FANCA: variants seen among roughly 807,000 people sequenced by gnomAD.
FANCA encodes FA complementation group A.
A neutral mutation model predicts 194.3 loss-of-function variants in FANCA; 236 were observed. That is an observed-to-expected ratio of 1.21 (90% CI 1.09 to 1.35). FANCA has a LOEUF of 1.35. FANCA is among the 40% of genes most tolerant of loss of function. The pLI, the probability that FANCA is intolerant of heterozygous loss-of-function variation, is 0.00. For missense variants in FANCA, 2,628 were observed against 1,813.9 expected, an observed-to-expected ratio of 1.45 and a Z score of -8.15; for synonymous variants, 1,014 against 715.8, an observed-to-expected ratio of 1.42 and a Z score of -6.65.
chr16:89,742,338 G>A (rs954868820), intron 37 of FANCA, among the ~76,000 whole-genome samples: 1 of 152,054 alleles, frequency 6.6e-6, no homozygotes, highest in African/African-American at 2.4e-5. Flanking sequence ...CACACCTGTA[G>A]TCTGAGCTAC....
Position 89,744,977 on chromosome 16 carries a change from C to T in FANCA, c.3608G>A (p.Gly1203Asp). The T allele has an allele frequency of 6.2e-7, 1 of 1,611,890 alleles. No homozygotes were observed. Among genetic ancestry groups the T allele is most frequent in the Admixed American group, 1.7e-5 (1 of 60,014 alleles). ...LPRELQKLQEGRQFASDFLSP... is the reference protein window; with the variant it reads ...LPRELQKLQEDRQFASDFLSP... The stretch of plus-strand genomic sequence containing the variant: ...CACGTACTCGCTGGCAAACTGCCGG[C>T]CTTCTTGTAGCTTCTGCAGTTCCCG... The change falls in exon 36 of 43, where the codon GGC (glycine) becomes GAC (aspartate). Residue 1203 changes from glycine to aspartate, a missense_variant. Coordinates refer to ENST00000389301, the MANE Select transcript of FANCA (RefSeq NM_000135.4).
At position 89,769,997 on chromosome 16, in the gene FANCA, G is replaced by T; in HGVS notation, c.2344C>A (p.Leu782Met). The T allele has an allele frequency of 6.2e-7, 1 of 1,613,870 alleles. No homozygotes were observed. Among genetic ancestry groups the T allele is most frequent in the South Asian group, 1.1e-5 (1 of 91,078 alleles). The part of the protein sequence containing the change: ...QGPSLSAPHV[L>M]GLAALAVHLG... Reference sequence around the variant, plus strand: ...TGCACGGCCAGGGCAGCCAACCCCAGCACATGTGGGGCACTCAGGCTCGGG... The same window carrying T: ...TGCACGGCCAGGGCAGCCAACCCCATCACATGTGGGGCACTCAGGCTCGGG... Residue 782 changes from leucine to methionine, a missense_variant, in exon 26 of 43, where the codon CTG becomes ATG. Coordinates refer to ENST00000389301, the MANE Select transcript of FANCA (RefSeq NM_000135.4).
intron 20 of FANCA, among the ~76,000 whole-genome samples, 175 bp downstream of exon 20, chr16:89,778,626 C>CAAAAAAA (rs2039594330): frequency 6.6e-5 from 1 of 15,180 alleles, no homozygotes. Flanking sequence ...GAGACTCCAA[C>CAAAAAAA]TAAAAAAAAA....
intron 20 of FANCA, among the ~76,000 whole-genome samples, chr16:89,776,159 CTTTTTTTTTTTTTTTTTT>C (rs3069458): frequency 1.1e-5 from 1 of 93,276 alleles, no homozygotes; most frequent in East Asian, 3.5e-4. Flanking sequence ...CTTTGTTTTT[CTTTTTTTTTTTTTTTTTT>C]TTTTTTTTGA....
intron 37 of FANCA, among the ~76,000 whole-genome samples, chr16:89,741,289 C>T (rs1035604750): frequency 1.1e-4 from 17 of 152,228 alleles, no homozygotes; most frequent in Admixed American, 1.0e-3. Context: ...CCTCGCTGCA[C>T]ACTAGGGTCC....
intron 14 of FANCA, among the ~76,000 whole-genome samples, chr16:89,789,222 C>T (rs1349886198): frequency 6.6e-6 from 1 of 151,738 alleles, no homozygotes; most frequent in South Asian, 2.1e-4. Flanking sequence ...TGAGTTGACA[C>T]TGACACTGCA....
chr16:89,792,808 G>C, intron 11 of FANCA: 1 of 419,856 alleles, frequency 2.4e-6, no homozygotes, highest in Non-Finnish European at 4.5e-6. Context: ...AAAAGGGGCA[G>C]GGTAAAGAGT....
chr16:89,773,698 A>G (rs1006246770), intron 21 of FANCA, among the ~76,000 whole-genome samples: 1 of 151,992 alleles, frequency 6.6e-6, no homozygotes, highest in Non-Finnish European at 1.5e-5. Flanking sequence ...GGAAGAAAAC[A>G]AGGAGGATCG....
At chr16:89,767,020 G>A in intron 27 of FANCA, 121 bp downstream of exon 27, 2 of 823,426 alleles carry the variant, frequency 2.4e-6, no homozygotes, top group Non-Finnish European at 4.2e-6. Flanking sequence ...CAGCCAGCCT[G>A]ACCCAGGAGC....
chr16:89,816,510 C>T, intron 1 of FANCA, 27 bp downstream of exon 1: 3 of 1,478,088 alleles, frequency 2.0e-6, no homozygotes, highest in Non-Finnish European at 8.9e-7. Context: ...ACGCCGCCCA[C>T]TCCCGCGGCC....
At position 89,792,160 on chromosome 16, in the gene FANCA, A is replaced by G. The variant is rs2040098484; in HGVS notation, c.1084-92T>C. On this transcript the variant is annotated intron_variant, in intron 12 of 42. Transcript: ENST00000389301. Reference sequence around the variant, plus strand: ...CTTCCTCCCAGCCGGTGGCCACCGCAGCCCCCTCACTTCCCACTGCAAAGG... The same window carrying G: ...CTTCCTCCCAGCCGGTGGCCACCGCGGCCCCCTCACTTCCCACTGCAAAGG... 18 of 1,470,912 alleles carry G rather than the reference A, an allele frequency of 1.2e-5. No homozygotes were observed. In the South Asian group the frequency reaches 1.8e-4, roughly 15 times the overall value. 91.1% of individuals were successfully genotyped at this position (1,470,912 alleles called of 1,614,324 possible). A position where few individuals can be genotyped will look rare whatever the true frequency, so the allele number is the denominator to read the frequency against.
In FANCA at chr16:89,799,623, GTA is replaced by G; in HGVS notation, c.806_807del (p.Val269AlafsTer10). The G allele has an allele frequency of 6.2e-7, 1 of 1,613,650 alleles. No individual in the cohort carries two copies. Among genetic ancestry groups the G allele is most frequent in the Non-Finnish European group, 8.5e-7 (1 of 1,179,526 alleles). On this transcript the variant is annotated frameshift_variant, in exon 9 of 43. Coordinates refer to ENST00000389301, the MANE Select transcript of FANCA (RefSeq NM_000135.4). LOFTEE classifies it high-confidence loss of function. Reference protein sequence around the residue: ...PEKMPQVTVDVLQRMLIFALD... With the variant: ...PEKMPQVTVDXLQRMLIFALD... ...AACTTACAAATCAGCATTCTCTGCA[GTA>G]CATCAACCGTGACCTGTCAAAATAG...
At chr16:89,767,894 C>G (rs2039186855) in intron 26 of FANCA, among the ~76,000 whole-genome samples, 2 of 152,152 alleles carry the variant, frequency 1.3e-5, no homozygotes, top group South Asian at 4.1e-4. Flanking sequence ...CCATGTTGGA[C>G]AGGCTGGTCT....
intron 14 of FANCA, among the ~76,000 whole-genome samples, chr16:89,787,464 G>A (rs2039936613): frequency 6.6e-6 from 1 of 152,102 alleles, no homozygotes; most frequent in Non-Finnish European, 1.5e-5. Flanking sequence ...TGGTTACCGT[G>A]AGCCAAGGTC....
chr16:89,748,887 G>C (rs1367777902), intron 32 of FANCA, 120 bp from the exon 33 acceptor site: 4 of 807,718 alleles, frequency 5.0e-6, no homozygotes, highest in Non-Finnish European at 8.3e-6. Context: ...GTTGGAACCA[G>C]AGCCTTGGCC....
chr16:89,771,559 G>C, intron 23 of FANCA, 119 bp downstream of exon 23: 2 of 1,199,958 alleles, frequency 1.7e-6, no homozygotes, highest in East Asian at 4.7e-5. Context: ...TGGAACATCT[G>C]ATACGACACT....
In FANCA at chr16:89,801,177, C is replaced by A. The variant is rs1271615795; in HGVS notation, c.793-1539G>T. ...TGACCAACACTGTGAAAGCCCATCT[C>A]TACTAAAAATAGAAAAACTAGCCGG... On this transcript the variant is annotated intron_variant, in intron 8 of 42. Coordinates refer to ENST00000389301, the MANE Select transcript of FANCA (RefSeq NM_000135.4). Among the ~76,000 whole-genome samples, 3 of 151,764 alleles carry A rather than the reference C, an allele frequency of 2.0e-5. No individual in the cohort carries two copies. The East Asian group carries it at 5.8e-4, about 29-fold the overall frequency.
intron 11 of FANCA, among the ~76,000 whole-genome samples, chr16:89,793,169 G>A (rs567318988): frequency 1.1e-4 from 16 of 152,104 alleles, no homozygotes; most frequent in Non-Finnish European, 2.1e-4. Context: ...GGGGGGAAAG[G>A]GAGAGTCCCT....
chr16:89,784,491 G>A (rs1029525201), intron 15 of FANCA, among the ~76,000 whole-genome samples: 5 of 150,094 alleles, frequency 3.3e-5, no homozygotes, highest in African/African-American at 9.8e-5. Context: ...CTCTTCCTGC[G>A]TAACTGGGTG....
Sources: allele counts gnomAD v4.1 joint callset (sites outside exome capture counted in the v4.1 genomes callset), GRCh38; gene constraint gnomAD v4.1.1; transcripts MANE v1.5; gene names NCBI Gene and HGNC (gene_info 2026-07-23, HGNC 2026-07-21).